Variants in GRID2 observed in about 807,000 individuals in gnomAD.
GRID2 encodes the protein glutamate ionotropic receptor delta type subunit 2, also known as glutamate receptor ionotropic, delta-2.
GRID2 carries 33 observed loss-of-function variants against 114.8 expected under a neutral mutation model. The observed-to-expected ratio is 0.29, with a 90% confidence interval of 0.22 to 0.38. The LOEUF (loss-of-function observed/expected upper bound fraction) is 0.38, where lower values mean the gene tolerates loss of function less well. GRID2 is among the 10% of genes least tolerant of loss of function. The pLI is 1.00. For synonymous variants in GRID2, 505 were observed against 449.9 expected, an observed-to-expected ratio of 1.12 and a Z score of -1.55; for missense variants, 1,184 against 1,257.7, an observed-to-expected ratio of 0.94 and a Z score of 0.89.
intron 2 of GRID2, among the ~76,000 whole-genome samples, chr4:93,006,771 A>G (rs1214751554): frequency 6.6e-6 from 1 of 152,040 alleles, no homozygotes; most frequent in Non-Finnish European, 1.5e-5. Context: ...TGTTTAGGAA[A>G]ACCTTAGTAC....
At chr4:93,758,367 A>G (rs974815974) in intron 14 of GRID2, among the ~76,000 whole-genome samples, 2 of 152,186 alleles carry the variant, frequency 1.3e-5, no homozygotes, top group African/African-American at 4.8e-5. Context: ...TAATACAAAT[A>G]TGCTCTGAGT....
chr4:93,001,802 T>C (rs1170615347), intron 2 of GRID2, among the ~76,000 whole-genome samples: 2 of 151,742 alleles, frequency 1.3e-5, no homozygotes, highest in Non-Finnish European at 3.0e-5. Flanking sequence ...ACAAGAAAAC[T>C]AAAATTCACA....
chr4:92,767,881 C>A (rs1280644908), intron 2 of GRID2, among the ~76,000 whole-genome samples: 3 of 150,214 alleles, frequency 2.0e-5, no homozygotes, highest in African/African-American at 4.9e-5. Flanking sequence ...ATAGCCACTG[C>A]ACTCCAATCT....
chr4:93,733,678 C>T (rs891389989), intron 14 of GRID2, among the ~76,000 whole-genome samples: 1 of 151,930 alleles, frequency 6.6e-6, no homozygotes, highest in Non-Finnish European at 1.5e-5. Flanking sequence ...TTTTGTTTTC[C>T]CCCAATTTGC....
chr4:92,885,495 A>AT (rs1746310492), intron 2 of GRID2, among the ~76,000 whole-genome samples: 3 of 152,314 alleles, frequency 2.0e-5, no homozygotes, highest in African/African-American at 4.8e-5. Context: ...TATGCTTAGC[A>AT]TTTTTTGTGA....
At chr4:93,139,735 AACACACACACAC>A (rs70942952) in intron 4 of GRID2, among the ~76,000 whole-genome samples, 3 of 147,980 alleles carry the variant, frequency 2.0e-5, no homozygotes, top group Non-Finnish European at 3.0e-5. Context: ...GTACTTTTGA[AACACACACACAC>A]ACACACACAC....
intron 2 of GRID2, among the ~76,000 whole-genome samples, chr4:93,032,313 G>A (rs1724513174): frequency 6.6e-6 from 1 of 152,152 alleles, no homozygotes; most frequent in Non-Finnish European, 1.5e-5. Flanking sequence ...AGAGAAAAAA[G>A]AAGATAGAAC....
At chr4:93,491,002 T>C (rs1285335596) in intron 12 of GRID2, among the ~76,000 whole-genome samples, 5 of 151,950 alleles carry the variant, frequency 3.3e-5, no homozygotes, top group Non-Finnish European at 7.4e-5. Context: ...ATGATTTCAA[T>C]GTTGCTTCCC....
At chr4:93,163,388 A>ACATATATATATATATATG (rs1320845062) in intron 4 of GRID2, among the ~76,000 whole-genome samples, 1 of 46,160 alleles carries the variant, frequency 2.2e-5, no homozygotes, top group African/African-American at 7.7e-5. Flanking sequence ...ATATATATAT[A>ACATATATATATATATATG]TATATATATA....
intron 8 of GRID2, among the ~76,000 whole-genome samples, chr4:93,263,769 A>G (rs1471092413): frequency 3.3e-5 from 5 of 152,212 alleles, no homozygotes; most frequent in Non-Finnish European, 1.5e-5. Context: ...GACATGTCAG[A>G]AATAACTACT....
At chr4:93,456,753 T>G (rs1207581982) in intron 11 of GRID2, among the ~76,000 whole-genome samples, 1 of 152,206 alleles carries the variant, frequency 6.6e-6, no homozygotes, top group African/African-American at 2.4e-5. Context: ...CATTATACTT[T>G]TGTGCTAATA....
chr4:92,800,983 C>T (rs1035245292), intron 2 of GRID2, among the ~76,000 whole-genome samples: 4 of 151,872 alleles, frequency 2.6e-5, no homozygotes, highest in African/African-American at 2.4e-5. Context: ...ATGATAAACA[C>T]GGTGATTACA....
At chr4:93,584,589 T>A (rs1737349978) in intron 13 of GRID2, among the ~76,000 whole-genome samples, 1 of 152,044 alleles carries the variant, frequency 6.6e-6, no homozygotes, top group Non-Finnish European at 1.5e-5. Flanking sequence ...AAAGTATGAG[T>A]CAAAGAATAT....
intron 2 of GRID2, among the ~76,000 whole-genome samples, chr4:92,686,196 G>A (rs1294547364): frequency 1.3e-5 from 2 of 151,900 alleles, no homozygotes; most frequent in Admixed American, 6.6e-5. Context: ...TTAAATTCAA[G>A]CATTTAAAGC....
chr4:93,471,979 C>T (rs1253518729), intron 11 of GRID2, among the ~76,000 whole-genome samples: 1 of 150,024 alleles, frequency 6.7e-6, no homozygotes, highest in Admixed American at 6.6e-5. Context: ...GAATTATAGG[C>T]TTGAGCCACC....
chr4:93,716,343 G>A (rs1280838222), intron 14 of GRID2, among the ~76,000 whole-genome samples: 5 of 152,122 alleles, frequency 3.3e-5, no homozygotes, highest in Non-Finnish European at 7.4e-5. Flanking sequence ...TATCATTGCA[G>A]AGCCAAAACA....
At chr4:93,338,492 A>G (rs1759313966) in intron 8 of GRID2, among the ~76,000 whole-genome samples, 1 of 152,208 alleles carries the variant, frequency 6.6e-6, no homozygotes, top group South Asian at 2.1e-4. Flanking sequence ...AATGTAGATA[A>G]CAGTAAAAGG....
chr4:93,149,312 G>A (rs751825089), intron 4 of GRID2, among the ~76,000 whole-genome samples: 36 of 152,012 alleles, frequency 2.4e-4, no homozygotes, highest in Non-Finnish European at 3.2e-4. Flanking sequence ...GGTGGCTGAC[G>A]CCTATAATCC....
intron 2 of GRID2, among the ~76,000 whole-genome samples, chr4:92,766,039 G>C (rs1202487376): frequency 6.6e-6 from 1 of 152,168 alleles, no homozygotes; most frequent in East Asian, 1.9e-4. Flanking sequence ...CTCTCTCACT[G>C]AAAGCTTGAG....
Sources: allele counts gnomAD v4.1 joint callset (sites outside exome capture counted in the v4.1 genomes callset), GRCh38; gene constraint gnomAD v4.1.1; transcripts MANE v1.5; gene names NCBI Gene and HGNC (gene_info 2026-07-23, HGNC 2026-07-21).